AK9: variants seen among roughly 807,000 people sequenced by gnomAD.
AK9 encodes adenylate kinase 9.
A neutral mutation model predicts 239.6 loss-of-function variants in AK9; 191 were observed. That is an observed-to-expected ratio of 0.80 (90% CI 0.71 to 0.90). AK9 has a LOEUF of 0.90. AK9 is among the 40% of genes least tolerant of loss of function. The pLI is 0.00. For synonymous variants in AK9, 689 were observed against 721.0 expected, an observed-to-expected ratio of 0.96 and a Z score of 0.71; for missense variants, 1,995 against 2,214.7, an observed-to-expected ratio of 0.90 and a Z score of 1.99.
intron 20 of AK9, among the ~76,000 whole-genome samples, chr6:109,575,841 TAAGGTGAGAGACA>T (rs144127982): frequency 0.029 from 4,379 of 152,318 alleles, 99 homozygotes; most frequent in East Asian, 0.11. Flanking sequence ...GATTTCTGAA[TAAGGTGAGAGACA>T]AAGATCCAGC....
chr6:109,629,317 AT>A (rs1795872125), intron 12 of AK9, among the ~76,000 whole-genome samples: 2 of 152,180 alleles, frequency 1.3e-5, no homozygotes, highest in Non-Finnish European at 1.5e-5. Context: ...TAACTAAAAC[AT>A]AAGCAAAGGC....
chr6:109,684,703 T>A (rs1425871486), intron 1 of AK9, among the ~76,000 whole-genome samples: 1 of 136,130 alleles, frequency 7.3e-6, no homozygotes, highest in Non-Finnish European at 1.6e-5. Flanking sequence ...TGAAACCCCG[T>A]CTCTACTAAA....
At chr6:109,577,638 A>G (rs1788265782) in intron 20 of AK9, among the ~76,000 whole-genome samples, 1 of 151,988 alleles carries the variant, frequency 6.6e-6, no homozygotes, top group South Asian at 2.1e-4. Flanking sequence ...AAAATTTTAA[A>G]TTACTGTTTT....
chr6:109,690,777 A>G (rs549595153), intron 1 of AK9: 1 of 152,722 alleles, frequency 6.5e-6, no homozygotes, highest in African/African-American at 2.4e-5. Context: ...CGGCTCCGCC[A>G]CACTGCGCTA....
At chr6:109,637,514 T>G (rs999740105) in intron 10 of AK9, among the ~76,000 whole-genome samples, 2 of 152,196 alleles carry the variant, frequency 1.3e-5, no homozygotes, top group African/African-American at 4.8e-5. Context: ...CTACTGATAG[T>G]GCTGATGCAG....
At chr6:109,683,369 A>T (rs969416745) in intron 1 of AK9, among the ~76,000 whole-genome samples, 4 of 152,206 alleles carry the variant, frequency 2.6e-5, no homozygotes, top group Admixed American at 1.3e-4. Context: ...CACCACTCCT[A>T]TTCAACACAG....
At chr6:109,528,331 A>C in intron 29 of AK9, 1 of 357,118 alleles carries the variant, frequency 2.8e-6, no homozygotes, top group Non-Finnish European at 5.5e-6. Flanking sequence ...AGAAATGAGC[A>C]TTATAATGAG....
At chr6:109,656,718 TA>T in intron 8 of AK9, 37 bp downstream of exon 8, 1 of 1,534,992 alleles carries the variant, frequency 6.5e-7, no homozygotes, top group South Asian at 1.2e-5. Flanking sequence ...GAAACACAAA[TA>T]TCAATATTCA....
chr6:109,576,440 A>C (rs1279826539), intron 20 of AK9, among the ~76,000 whole-genome samples: 2 of 32,016 alleles, frequency 6.2e-5, no homozygotes, highest in African/African-American at 1.3e-4. Context: ...TTTTTTTTGC[A>C]GCTGTTGTAA....
intron 5 of AK9, among the ~76,000 whole-genome samples, chr6:109,670,725 A>G (rs1770740243): frequency 6.6e-6 from 1 of 152,162 alleles, no homozygotes. Flanking sequence ...CTACCTATAT[A>G]CATATCTGTT....
chr6:109,625,321 CTT>C (rs759032863), intron 12 of AK9, among the ~76,000 whole-genome samples: 16 of 152,272 alleles, frequency 1.1e-4, no homozygotes, highest in East Asian at 1.9e-4. Flanking sequence ...GTTTAAAGCT[CTT>C]GTTTCATTGT....
intron 36 of AK9, 22 bp downstream of exon 36, chr6:109,499,022 T>G: frequency 6.8e-7 from 1 of 1,479,102 alleles, no homozygotes; most frequent in Non-Finnish European, 9.0e-7. Flanking sequence ...TAGTAAATAT[T>G]TGGAGTTAGG....
At chr6:109,672,805 G>A (rs1771128123) in intron 3 of AK9, among the ~76,000 whole-genome samples, 1 of 152,214 alleles carries the variant, frequency 6.6e-6, no homozygotes, top group Admixed American at 6.5e-5. Context: ...GATGAAATCA[G>A]GTGGTGTATA....
chr6:109,549,174 A>C (rs9374097), intron 25 of AK9, among the ~76,000 whole-genome samples: 88,497 of 152,016 alleles, frequency 0.58, 27,457 homozygotes, highest in South Asian at 0.84. Context: ...AGCCACTCAA[A>C]CAATTTTAAA....
intron 19 of AK9, among the ~76,000 whole-genome samples, chr6:109,584,707 A>T (rs988868655): frequency 6.6e-6 from 1 of 152,150 alleles, no homozygotes; most frequent in Non-Finnish European, 1.5e-5. Context: ...TTCCATGTGT[A>T]GAACTTAGTC....
chr6:109,504,526 C>T (rs1316186677), intron 35 of AK9, among the ~76,000 whole-genome samples: 2 of 151,974 alleles, frequency 1.3e-5, no homozygotes, highest in Admixed American at 1.3e-4. Context: ...AACTGGGTGT[C>T]AGTCAGGCAT....
chr6:109,559,074 AC>A (rs1375397233), intron 24 of AK9, among the ~76,000 whole-genome samples: 1 of 150,618 alleles, frequency 6.6e-6, no homozygotes, highest in African/African-American at 2.4e-5. Context: ...GCTGCCTCGA[AC>A]TCCTGACCTC....
intron 29 of AK9, among the ~76,000 whole-genome samples, chr6:109,518,964 C>G (rs1779548118): frequency 6.6e-6 from 1 of 152,220 alleles, no homozygotes; most frequent in African/African-American, 2.4e-5. Context: ...CTCTCCCCAA[C>G]CCTCCTCCTT....
chr6:109,656,363 C>T (rs1456639910), intron 8 of AK9, among the ~76,000 whole-genome samples: 1 of 152,170 alleles, frequency 6.6e-6, no homozygotes, highest in Non-Finnish European at 1.5e-5. Context: ...TGCAATTTAA[C>T]TAAATGAACA....
Sources: gnomAD v4.1 joint callset for allele counts (sites outside exome capture counted in the v4.1 genomes callset) on GRCh38, gnomAD v4.1.1 for gene constraint, MANE v1.5 for transcripts, NCBI Gene and HGNC (gene_info 2026-07-23, HGNC 2026-07-21) for gene names.